The following TANC2 variants were observed in gnomAD, a reference collection of about 807,000 sequenced individuals.
TANC2 encodes tetratricopeptide repeat, ankyrin repeat and coiled-coil containing 2, also known as protein TANC2.
Under a neutral mutation model 210.5 loss-of-function variants are expected in TANC2, and 26 were observed. The observed-to-expected ratio is 0.12, with a 90% CI of 0.09 to 0.17. The LOEUF (loss-of-function observed/expected upper bound fraction) is 0.17, where lower values mean the gene tolerates loss of function less well. Ranked by LOEUF, TANC2 falls within the 10% of genes least tolerant of loss-of-function variation. The pLI is 1.00. For synonymous variants in TANC2, 931 were observed against 967.1 expected (o/e 0.96, Z 0.69); for missense variants, 2,129 against 2,608.9 (o/e 0.82, Z 4.01).
chr17:63,164,629 C>T (rs1013079651), intron 5 of TANC2, among the ~76,000 whole-genome samples: 1 of 152,050 alleles, frequency 6.6e-6, no homozygotes, highest in Non-Finnish European at 1.5e-5. Context: ...AACCTGGAAG[C>T]CCAGGAAAGC....
At chr17:63,036,017 T>G (rs981127253) in intron 2 of TANC2, among the ~76,000 whole-genome samples, 2 of 152,202 alleles carry the variant, frequency 1.3e-5, no homozygotes, top group African/African-American at 4.8e-5. Context: ...TCAGATCTTT[T>G]GCCCATTTTT....
At chr17:63,090,957 A>G (rs2037165108) in intron 3 of TANC2, among the ~76,000 whole-genome samples, 1 of 152,132 alleles carries the variant, frequency 6.6e-6, no homozygotes, top group Non-Finnish European at 1.5e-5. Context: ...TCTGATGACC[A>G]GTGATGAAGA....
intron 5 of TANC2, among the ~76,000 whole-genome samples, chr17:63,159,728 G>A (rs1012550882): frequency 1.3e-5 from 2 of 152,176 alleles, no homozygotes; most frequent in African/African-American, 4.8e-5. Flanking sequence ...TAGGATATAT[G>A]CAAATACTAC....
At position 63,420,598 on chromosome 17, in the gene TANC2, G is replaced by C; in HGVS notation, c.4868G>C (p.Gly1623Ala). 1.2e-6 allele frequency: 2 copies of C among 1,613,866 alleles called. No individual in the cohort carries two copies. The highest frequency in any genetic ancestry group is 1.7e-6 in the Non-Finnish European group (2 of 1,179,812). Residue 1623 changes from glycine to alanine, a missense_variant, in exon 28 of 28, where the codon GGC becomes GCC. Physicochemically the swap from Gly to Ala is moderately conservative, Grantham distance 60. Transcript: ENST00000689528. The surrounding 1 kb of genome is among the most constrained non-coding windows in gnomAD (Gnocchi z 4.2). ...CCTCCCCCTTCCCCTCTCCGGAGAG[G>C]CCCTCAGTATCGGGCCAGCCCTCCA...
chr17:63,144,530 A>G (rs1243943086), intron 4 of TANC2, among the ~76,000 whole-genome samples: 3 of 152,158 alleles, frequency 2.0e-5, no homozygotes, highest in Non-Finnish European at 4.4e-5. Context: ...ATGTGTTCCA[A>G]TTATTTGACA....
At position 63,413,532 on chromosome 17, in the gene TANC2, G is replaced by T; in HGVS notation, c.3929-11G>T. 2 of 1,582,562 alleles carry T rather than the reference G, an allele frequency of 1.3e-6. No homozygotes were observed. Among genetic ancestry groups the T allele is most frequent in the Non-Finnish European group, 1.7e-6 (2 of 1,164,262 alleles). ...GAGTTTTTTACCCATCATGCATCCT[G>T]TACACTACAGGTCCAGCCACATGGG... is the stretch of plus-strand genomic sequence containing the variant. On this transcript the variant is annotated splice_polypyrimidine_tract_variant and intron_variant, in intron 24 of 27. Coordinates refer to ENST00000689528, the Ensembl canonical transcript of TANC2.
chr17:63,304,808 G>A (rs1305819098), intron 9 of TANC2, among the ~76,000 whole-genome samples: 4 of 152,150 alleles, frequency 2.6e-5, no homozygotes, highest in South Asian at 2.1e-4. Context: ...CCTGCAGGGA[G>A]GCCCCGTGCA....
At chr17:63,142,284 A>T (rs994028374) in intron 4 of TANC2, among the ~76,000 whole-genome samples, 1 of 152,210 alleles carries the variant, frequency 6.6e-6, no homozygotes, top group African/African-American at 2.4e-5. Context: ...TACTTGTTAT[A>T]AATCTATTCA....
At chr17:63,334,832 A>G (rs986207937) in intron 11 of TANC2, among the ~76,000 whole-genome samples, 3 of 152,234 alleles carry the variant, frequency 2.0e-5, no homozygotes, top group Non-Finnish European at 4.4e-5. Context: ...GTTTGATTGA[A>G]TAGTCCTGCA....
chr17:63,349,131 TAATC>T (rs1388370506), intron 12 of TANC2, among the ~76,000 whole-genome samples: 2 of 152,096 alleles, frequency 1.3e-5, no homozygotes, highest in African/African-American at 4.8e-5. Context: ...AAAAAAATAA[TAATC>T]AGAATTTAGA....
chr17:63,145,337 A>T (rs891269341), intron 4 of TANC2, among the ~76,000 whole-genome samples: 1 of 152,150 alleles, frequency 6.6e-6, no homozygotes, highest in Non-Finnish European at 1.5e-5. Context: ...CACTACAGAA[A>T]ATTCATGATA....
chr17:63,307,875 C>T (rs745927160), intron 9 of TANC2, among the ~76,000 whole-genome samples: 40 of 152,172 alleles, frequency 2.6e-4, no homozygotes, highest in Non-Finnish European at 4.7e-4. Flanking sequence ...ACACCATTCT[C>T]CTGCCTCAGC....
chr17:63,020,914 A>G (rs2034318994), intron 2 of TANC2, among the ~76,000 whole-genome samples: 1 of 152,106 alleles, frequency 6.6e-6, no homozygotes, highest in Admixed American at 6.5e-5. Flanking sequence ...GCAAGAGTGG[A>G]ATTGAGAGAG....
At chr17:63,097,577 C>CAA (rs200326011) in intron 3 of TANC2, among the ~76,000 whole-genome samples, 69 of 122,190 alleles carry the variant, frequency 5.6e-4, no homozygotes, top group African/African-American at 1.6e-3. Context: ...TAAAAAATTG[C>CAA]AAAAAAAAAA....
At chr17:63,002,447 A>C (rs1462566284) in intron 1 of TANC2, among the ~76,000 whole-genome samples, 1 of 152,240 alleles carries the variant, frequency 6.6e-6, no homozygotes, top group African/African-American at 2.4e-5. Flanking sequence ...TGCCTCCATC[A>C]GTCCATCAAT....
At chr17:62,983,700 C>G (rs1330683072) in intron 1 of TANC2, among the ~76,000 whole-genome samples, 1 of 151,946 alleles carries the variant, frequency 6.6e-6, no homozygotes, top group Non-Finnish European at 1.5e-5. Context: ...TTTAAAAATG[C>G]TTTTTCTGCA....
At chr17:63,179,870 C>T (rs2040718157) in intron 5 of TANC2, among the ~76,000 whole-genome samples, 1 of 151,562 alleles carries the variant, frequency 6.6e-6, no homozygotes, top group African/African-American at 2.4e-5. Flanking sequence ...TTCTTCTAGG[C>T]TGGGCATGGT....
chr17:63,411,552 C>T, exon 22 of TANC2: 2 of 1,613,750 alleles, frequency 1.2e-6, no homozygotes, highest in Non-Finnish European at 1.7e-6. Flanking sequence ...ATTGACAGCC[C>T]TCAGCTGGGC....
chr17:63,404,639 T>C (rs2048443697), intron 19 of TANC2, among the ~76,000 whole-genome samples: 1 of 152,224 alleles, frequency 6.6e-6, no homozygotes, highest in Admixed American at 6.5e-5. Context: ...TGGACTGCAA[T>C]TCCTAACTTT....
Sources: gnomAD v4.1 joint callset for allele counts (sites outside exome capture counted in the v4.1 genomes callset) on GRCh38, gnomAD v4.1.1 for gene constraint, Gnocchi (gnomAD v3.1) non-coding constraint, MANE v1.5 for transcripts, NCBI Gene and HGNC (gene_info 2026-07-23, HGNC 2026-07-21) for gene names.